The following RGS6 variants were observed in gnomAD, a reference collection of about 807,000 sequenced individuals.
The protein encoded by RGS6 is regulator of G-protein signaling 6.
A neutral mutation model predicts 78.5 loss-of-function variants in RGS6; 30 were observed. The ratio of observed to expected loss-of-function variants is 0.38; its 90% confidence interval spans 0.29 to 0.52. The LOEUF (loss-of-function observed/expected upper bound fraction) is 0.52. Among genes scored for constraint, RGS6 ranks in the 20% least tolerant of loss-of-function variants. The pLI is 0.85. For missense variants in RGS6, 495 were observed against 609.7 expected (o/e 0.81, Z 1.98); for synonymous variants, 206 against 206.0 (o/e 1.00, Z 0.00).
chr14:71,968,704 T>C (rs2093652206), intron 2 of RGS6, among the ~76,000 whole-genome samples: 1 of 152,210 alleles, frequency 6.6e-6, no homozygotes, highest in Non-Finnish European at 1.5e-5. Flanking sequence ...AGACTACTGT[T>C]ACCACATTGT....
chr14:72,440,505 C>T (rs921551737), intron 3 of RGS6, among the ~76,000 whole-genome samples: 1 of 151,256 alleles, frequency 6.6e-6, no homozygotes, highest in East Asian at 1.9e-4. Flanking sequence ...GTCTGCCTCC[C>T]GGGTTCAAGC....
chr14:72,586,491 C>T, the RGS6 span, among the ~76,000 whole-genome samples: 1 of 152,180 alleles, frequency 6.6e-6, no homozygotes, highest in African/African-American at 2.4e-5. Context: ...CTTGTACAGC[C>T]CACAGAACCA....
At chr14:72,322,095 G>GT (rs1324751450) in intron 2 of RGS6, among the ~76,000 whole-genome samples, 8 of 152,000 alleles carry the variant, frequency 5.3e-5, no homozygotes, top group African/African-American at 1.9e-4. Context: ...ATTTGTATAC[G>GT]TAAGTACTTA....
chr14:71,977,881 C>G (rs929934819), intron 2 of RGS6, among the ~76,000 whole-genome samples: 1 of 152,034 alleles, frequency 6.6e-6, no homozygotes, highest in African/African-American at 2.4e-5. Flanking sequence ...GATATTGATT[C>G]TCCCTACCCA....
At chr14:72,195,790 C>T (rs1054999124) in intron 2 of RGS6, among the ~76,000 whole-genome samples, 4 of 152,188 alleles carry the variant, frequency 2.6e-5, no homozygotes, top group Non-Finnish European at 4.4e-5. Flanking sequence ...CCTGTGTGCC[C>T]ACGGAAACAC....
At chr14:72,284,122 C>T (rs939205529) in intron 2 of RGS6, among the ~76,000 whole-genome samples, 4 of 152,154 alleles carry the variant, frequency 2.6e-5, no homozygotes, top group Admixed American at 2.6e-4. Flanking sequence ...GAGTTTGGTG[C>T]TGTTAAAAGC....
intron 2 of RGS6, among the ~76,000 whole-genome samples, chr14:72,196,825 A>G (rs989270045): frequency 1.3e-5 from 2 of 152,158 alleles, no homozygotes; most frequent in Admixed American, 1.3e-4. Flanking sequence ...TCTACTGTGA[A>G]ATGAGCATTC....
chr14:72,371,510 G>A (rs974458795), intron 3 of RGS6, among the ~76,000 whole-genome samples: 13 of 152,054 alleles, frequency 8.5e-5, no homozygotes, highest in Admixed American at 7.2e-4. Context: ...GCCTATAATC[G>A]CAGCACTTTT....
At chr14:72,200,133 G>A (rs1289324667) in intron 2 of RGS6, among the ~76,000 whole-genome samples, 2 of 152,186 alleles carry the variant, frequency 1.3e-5, no homozygotes, top group Non-Finnish European at 2.9e-5. Flanking sequence ...GATGGTTGTT[G>A]CTTTGTGGAA....
At chr14:72,619,287 A>T in the RGS6 span, 1 of 1,535,748 alleles carries the variant, frequency 6.5e-7, no homozygotes, top group African/African-American at 1.4e-5. Flanking sequence ...ACATTCTGTG[A>T]CCTGGGGCCC....
intron 6 of RGS6, among the ~76,000 whole-genome samples, chr14:72,461,433 ATAGT>A (rs1439377378): frequency 6.6e-6 from 1 of 152,204 alleles, no homozygotes; most frequent in Non-Finnish European, 1.5e-5. Context: ...GAGAGAAATA[ATAGT>A]TTGTTTCAGG....
At chr14:72,085,244 C>T (rs1178692905) in intron 2 of RGS6, among the ~76,000 whole-genome samples, 2 of 152,180 alleles carry the variant, frequency 1.3e-5, no homozygotes, top group Non-Finnish European at 2.9e-5. Flanking sequence ...CAGCAGAAGG[C>T]GGTCAATAAA....
At chr14:72,576,993 T>C in the RGS6 span, among the ~76,000 whole-genome samples, 1 of 152,206 alleles carries the variant, frequency 6.6e-6, no homozygotes, top group African/African-American at 2.4e-5. Context: ...TTCTGGAACA[T>C]CAGTGCAATC....
the RGS6 span, among the ~76,000 whole-genome samples, chr14:72,574,376 A>G: frequency 1.4e-3 from 210 of 152,292 alleles, 1 homozygote; most frequent in Admixed American, 3.5e-3. Flanking sequence ...TTATGGCAGA[A>G]TAGGAGTGAC....
chr14:71,900,393 C>A, the RGS6 span, among the ~76,000 whole-genome samples: 15 of 152,186 alleles, frequency 9.9e-5, no homozygotes, highest in Non-Finnish European at 2.1e-4. Flanking sequence ...TTCTATCTGA[C>A]CTACTGGCTT....
intron 3 of RGS6, among the ~76,000 whole-genome samples, chr14:72,435,825 C>G (rs79903779): frequency 0.012 from 1,783 of 146,656 alleles, 16 homozygotes; most frequent in Non-Finnish European, 0.017. Context: ...TCATAAGAAC[C>G]CTTTTGATTA....
At chr14:71,913,145 A>G in the RGS6 span, among the ~76,000 whole-genome samples, 3 of 152,144 alleles carry the variant, frequency 2.0e-5, no homozygotes, top group Non-Finnish European at 4.4e-5. Context: ...ACTTTTTTAC[A>G]TAAAGAGCCA....
intron 2 of RGS6, among the ~76,000 whole-genome samples, chr14:72,200,678 A>G (rs2041293861): frequency 6.6e-6 from 1 of 152,140 alleles, no homozygotes; most frequent in African/African-American, 2.4e-5. Flanking sequence ...GTTGCTGTAC[A>G]GATCAGAGTC....
At chr14:72,449,810 C>T (rs969898640) in intron 3 of RGS6, among the ~76,000 whole-genome samples, 4 of 152,056 alleles carry the variant, frequency 2.6e-5, no homozygotes, top group African/African-American at 7.2e-5. Flanking sequence ...TATTGAGCCT[C>T]GGGATTGAGC....
Sources: allele counts gnomAD v4.1 joint callset (sites outside exome capture counted in the v4.1 genomes callset), GRCh38; gene constraint gnomAD v4.1.1; transcripts MANE v1.5; gene names NCBI Gene and HGNC (gene_info 2026-07-23, HGNC 2026-07-21).